The following RNF150 variants were observed in gnomAD, a reference collection of about 807,000 sequenced individuals.
RNF150 encodes ring finger protein 150.
RNF150 carries 24 observed loss-of-function variants against 39.3 expected under a neutral mutation model. The observed-to-expected ratio is 0.61, with a 90% CI of 0.44 to 0.86. The LOEUF (loss-of-function observed/expected upper bound fraction) is 0.86. RNF150 is among the 40% of genes least tolerant of loss of function. The pLI, the probability that RNF150 is intolerant of heterozygous loss-of-function variation, is 0.00. For synonymous variants in RNF150, 255 were observed against 227.3 expected, an observed-to-expected ratio of 1.12 and a Z score of -1.10; for missense variants, 502 against 587.8, an observed-to-expected ratio of 0.85 and a Z score of 1.51.
At chr4:140,989,543 A>G (rs749953360) in intron 1 of RNF150, among the ~76,000 whole-genome samples, 18 of 152,164 alleles carry the variant, frequency 1.2e-4, no homozygotes, top group Non-Finnish European at 2.2e-4. Flanking sequence ...AAACATTTAG[A>G]AAGATAGAAA....
chr4:140,997,825 GAAAAT>G (rs1326747749), intron 1 of RNF150, among the ~76,000 whole-genome samples: 1 of 148,556 alleles, frequency 6.7e-6, no homozygotes, highest in Non-Finnish European at 1.5e-5. Context: ...TATGTAAAAA[GAAAAT>G]AAAAGAGTCC....
intron 1 of RNF150, among the ~76,000 whole-genome samples, chr4:141,000,037 AG>A (rs1175457940): frequency 0.048 from 2,964 of 61,340 alleles, 480 homozygotes; most frequent in Non-Finnish European, 0.08. Context: ...AAGAAGAAGA[AG>A]AAGAAGAAGA....
intron 1 of RNF150, among the ~76,000 whole-genome samples, chr4:141,009,911 T>G (rs1363598209): frequency 6.6e-6 from 1 of 152,212 alleles, no homozygotes; most frequent in Non-Finnish European, 1.5e-5. Context: ...TAGAGCCCAG[T>G]GCTCTTCACT....
chr4:141,186,890 T>C (rs1355716534), intron 1 of RNF150, among the ~76,000 whole-genome samples: 2 of 152,170 alleles, frequency 1.3e-5, no homozygotes, highest in South Asian at 2.1e-4. Flanking sequence ...TCCTGTCTTC[T>C]GCTAGTTTTT....
chr4:141,058,833 A>T (rs1357262644), intron 1 of RNF150, among the ~76,000 whole-genome samples: 1 of 152,148 alleles, frequency 6.6e-6, no homozygotes, highest in Admixed American at 6.6e-5. Context: ...CGACTAGATA[A>T]AGTGTCTGGA....
At chr4:141,082,810 G>A (rs1033113986) in intron 1 of RNF150, among the ~76,000 whole-genome samples, 115 of 152,034 alleles carry the variant, frequency 7.6e-4, no homozygotes, top group Non-Finnish European at 7.4e-5. Flanking sequence ...GGATGGTCTC[G>A]ATCTCCTGAC....
Position 141,132,208 on chromosome 4 carries a change from G to A in RNF150, c.484+117C>T. ...AAACTTAATCGGTCCAGGGAACCCA[G>A]ACACGTCTTCCGCGCCGCACGGACT... On this transcript the variant is annotated intron_variant, in intron 1 of 6. Coordinates refer to ENST00000515673, the MANE Select transcript of RNF150 (RefSeq NM_020724.2). The surrounding 1 kb of genome is among the most constrained non-coding windows in gnomAD (Gnocchi z 4.9). 12 of 1,088,810 alleles carry A rather than the reference G, an allele frequency of 1.1e-5. No homozygotes were observed. The highest frequency in any genetic ancestry group is 1.3e-5 in the Non-Finnish European group (10 of 758,286). The allele number at this position is 1,088,810 out of a possible 1,614,324, so 67.4% of individuals were successfully genotyped here. A position where few individuals can be genotyped will look rare whatever the true frequency, so the allele number is the denominator to read the frequency against.
intron 1 of RNF150, among the ~76,000 whole-genome samples, chr4:141,037,164 C>T (rs2110845218): frequency 6.6e-6 from 1 of 152,134 alleles, no homozygotes; most frequent in South Asian, 2.1e-4. Flanking sequence ...TATTCTGTTT[C>T]TTTTTAAAAA....
intron 1 of RNF150, among the ~76,000 whole-genome samples, chr4:141,185,452 A>G (rs1193354616): frequency 6.6e-6 from 1 of 151,882 alleles, no homozygotes. Flanking sequence ...GTTTTTCTAA[A>G]TATACAATCA....
chr4:141,072,144 A>G (rs1737729687), intron 1 of RNF150, among the ~76,000 whole-genome samples: 1 of 152,192 alleles, frequency 6.6e-6, no homozygotes, highest in Non-Finnish European at 1.5e-5. Flanking sequence ...ATTCCAGTGC[A>G]TGAGCACTGA....
chr4:140,971,405 TTGGTATGGGAAAACCCACAAGGAGGTCC>T (rs1342007131), intron 1 of RNF150, among the ~76,000 whole-genome samples: 1 of 152,110 alleles, frequency 6.6e-6, no homozygotes, highest in African/African-American at 2.4e-5. Context: ...AATAGCATAT[TTGGTATGGGAAAACCCACAAGGAGGTCC>T]GGCTATTTGG....
intron 1 of RNF150, among the ~76,000 whole-genome samples, chr4:141,152,918 G>T (rs1242970326): frequency 6.6e-6 from 1 of 152,150 alleles, no homozygotes; most frequent in Non-Finnish European, 1.5e-5. Flanking sequence ...TGTCATGGTG[G>T]TTTGCTGCAC....
At chr4:141,097,830 T>C (rs1377598391) in intron 1 of RNF150, among the ~76,000 whole-genome samples, 3 of 152,190 alleles carry the variant, frequency 2.0e-5, no homozygotes, top group Non-Finnish European at 4.4e-5. Flanking sequence ...ATTAAAAATA[T>C]TAAATCTTTG....
chr4:140,907,063 A>G (rs190609927), intron 6 of RNF150, among the ~76,000 whole-genome samples: 8 of 152,328 alleles, frequency 5.3e-5, no homozygotes, highest in Admixed American at 1.3e-4. Flanking sequence ...TTGAGTCTCC[A>G]AACATACAGG....
chr4:140,997,033 T>C (rs1734400526), intron 1 of RNF150: 1 of 152,198 alleles, frequency 6.6e-6, no homozygotes, highest in Non-Finnish European at 1.5e-5. Flanking sequence ...AAGAATTCTG[T>C]CCTACAAACC....
chr4:141,118,772 G>T (rs1285339658), intron 1 of RNF150, among the ~76,000 whole-genome samples: 1 of 151,970 alleles, frequency 6.6e-6, no homozygotes, highest in Non-Finnish European at 1.5e-5. Flanking sequence ...GTGATTGATT[G>T]ATTTTTGAGA....
At chr4:141,087,915 C>T (rs17006853) in intron 1 of RNF150, among the ~76,000 whole-genome samples, 1,896 of 152,174 alleles carry the variant, frequency 0.012, 39 homozygotes, top group African/African-American at 0.043. Flanking sequence ...CATCCTCTAG[C>T]GAGTCCCAGC....
intron 6 of RNF150, among the ~76,000 whole-genome samples, chr4:140,879,577 C>T (rs1295777879): frequency 3.3e-5 from 5 of 152,098 alleles, no homozygotes. Context: ...GTACCCTGCA[C>T]TTTGGGAGGC....
chr4:141,119,723 A>C (rs912720165), intron 1 of RNF150, among the ~76,000 whole-genome samples: 9 of 152,198 alleles, frequency 5.9e-5, no homozygotes, highest in African/African-American at 1.9e-4. Context: ...ATCCCTGAAC[A>C]GAAGCCCAAG....
Sources: gnomAD v4.1 joint callset for allele counts (sites outside exome capture counted in the v4.1 genomes callset) on GRCh38, gnomAD v4.1.1 for gene constraint, Gnocchi (gnomAD v3.1) non-coding constraint, MANE v1.5 for transcripts, NCBI Gene and HGNC (gene_info 2026-07-23, HGNC 2026-07-21) for gene names.